The following TBC1D31 variants were observed in gnomAD, a reference collection of about 807,000 sequenced individuals.
The protein encoded by TBC1D31 is TBC1 domain family member 31.
TBC1D31 carries 99 observed loss-of-function variants against 132.9 expected under a neutral mutation model. That is an observed-to-expected ratio of 0.74 (90% confidence interval 0.63 to 0.88). TBC1D31 has a LOEUF of 0.88. Among genes scored for constraint, TBC1D31 ranks in the 40% least tolerant of loss-of-function variants. The probability of loss-of-function intolerance (pLI) is 0.00; values close to 1 mark genes in which losing one functional copy is unlikely to be tolerated. For missense variants in TBC1D31, 1,134 were observed against 1,256.6 expected, an observed-to-expected ratio of 0.90 and a Z score of 1.48; for synonymous variants, 385 against 419.4, an observed-to-expected ratio of 0.92 and a Z score of 1.00.
intron 10 of TBC1D31, among the ~76,000 whole-genome samples, chr8:123,111,565 G>T (rs577416036): frequency 6.6e-6 from 1 of 152,140 alleles, no homozygotes; most frequent in Admixed American, 6.5e-5. Flanking sequence ...TTACAAATTT[G>T]CATAGCTGCT....
At chr8:123,138,253 CT>C (rs1310151783) in intron 17 of TBC1D31, among the ~76,000 whole-genome samples, 2 of 152,282 alleles carry the variant, frequency 1.3e-5, no homozygotes, top group East Asian at 1.9e-4. Context: ...TTGGTAGTGG[CT>C]GCTGGTGAAC....
intron 8 of TBC1D31, among the ~76,000 whole-genome samples, 177 bp downstream of exon 8, chr8:123,105,641 C>A (rs1358688651): frequency 6.6e-6 from 1 of 152,074 alleles, no homozygotes; most frequent in African/African-American, 2.4e-5. Context: ...CTCAAGTGAT[C>A]CTCCCACCTT....
chr8:123,106,500 A>T (rs1186187900), intron 8 of TBC1D31, among the ~76,000 whole-genome samples: 1 of 152,204 alleles, frequency 6.6e-6, no homozygotes, highest in Admixed American at 6.5e-5. Flanking sequence ...CCTAATTTAT[A>T]AATTAAACTT....
chr8:123,147,102 CT>C lies in TBC1D31; in HGVS notation c.2974+2249del, dbSNP rs199656294. ...GCACGAATTAAATATTTAAAACTGG[CT>C]TACAAAAGATACTAATCATGGGAGC... On this transcript the variant is annotated intron_variant, in intron 20 of 21. Coordinates refer to ENST00000287380, the MANE Select transcript of TBC1D31 (RefSeq NM_145647.4). 8.3e-3 allele frequency among the ~76,000 whole-genome samples: 1,259 copies of C among 152,044 alleles called. 15 individuals carry two copies. The highest frequency in any genetic ancestry group is 0.029 in the African/African-American group (1,223 of 41,462).
intron 2 of TBC1D31, among the ~76,000 whole-genome samples, chr8:123,082,196 C>A (rs1340118874): frequency 6.6e-6 from 1 of 152,110 alleles, no homozygotes; most frequent in Non-Finnish European, 1.5e-5. Context: ...GCTAGGTGCC[C>A]AGTACTCTAC....
intron 7 of TBC1D31, chr8:123,102,122 G>T: frequency 9.9e-6 from 4 of 404,780 alleles, no homozygotes; most frequent in South Asian, 1.8e-5. Context: ...CTCTTCTCTG[G>T]TTATCTAAAA....
Position 123,142,312 on chromosome 8 carries a change from C to T in TBC1D31, c.2691C>T (p.Asp897=). Residue 897 remains aspartate, a synonymous_variant, in exon 19 of 22, where the codon GAC becomes GAT. Coordinates refer to ENST00000287380, the MANE Select transcript of TBC1D31 (RefSeq NM_145647.4). The part of the protein sequence containing the change: ...AKAEQACLNT[D]WQIQSLHKQK... ...CTGAACAAGCATGCCTAAATACCGA[C>T]TGGCAGATTCAGTCTTTACATAAAC... The T allele has an allele frequency of 6.2e-7, 1 of 1,600,670 alleles. No individual in the cohort carries two copies. The highest frequency in any genetic ancestry group is 8.5e-7 in the Non-Finnish European group (1 of 1,175,798).
intron 20 of TBC1D31, among the ~76,000 whole-genome samples, chr8:123,148,906 G>T (rs1262691966): frequency 6.6e-6 from 1 of 152,000 alleles, no homozygotes; most frequent in Non-Finnish European, 1.5e-5. Context: ...AAATAGCCGG[G>T]CATGGTGGCG....
chr8:123,109,385 A>G lies in TBC1D31; in HGVS notation c.1278A>G (p.Pro426=). The change falls in exon 9 of 22, where the codon CCA becomes CCG. Residue 426 remains proline, a synonymous_variant. Coordinates refer to ENST00000287380, the MANE Select transcript of TBC1D31 (RefSeq NM_145647.4). Reference sequence around the variant, plus strand: ...TATTAAAAGGCTATGGTGAATATCCAACAAAATACAGGTACAATTTAAATT... The same window carrying G: ...TATTAAAAGGCTATGGTGAATATCCGACAAAATACAGGTACAATTTAAATT... The part of the protein sequence containing the change: ...QILLKGYGEY[P]TKYRMFIWRS... The G allele has an allele frequency of 6.2e-7, 1 of 1,610,998 alleles. No homozygotes were observed. Among genetic ancestry groups the G allele is most frequent in the African/African-American group, 1.3e-5 (1 of 74,906 alleles).
intron 10 of TBC1D31, among the ~76,000 whole-genome samples, chr8:123,116,519 C>G (rs562410309): frequency 6.6e-6 from 1 of 152,004 alleles, no homozygotes; most frequent in African/African-American, 2.4e-5. Context: ...TAGTTCTTAA[C>G]GTATATGCAG....
chr8:123,120,115 C>G lies in TBC1D31; in HGVS notation c.1497C>G (p.Leu499=). The G allele has an allele frequency of 6.2e-7, 1 of 1,611,030 alleles. No homozygotes were observed. Among genetic ancestry groups the G allele is most frequent in the East Asian group, 2.2e-5 (1 of 44,784 alleles). The change falls in exon 11 of 22, where the codon CTC becomes CTG. Residue 499 remains leucine (L), a synonymous_variant. Transcript: ENST00000287380. ...VIFSDTPYLP[L]LAFPFVKLFQ... is the part of the protein sequence containing the mutation. Reference sequence around the variant, plus strand: ...TTAGTGACACACCATATCTTCCACTCTTGGCATTTCCATTTGTAAAATTAT... The same window carrying G: ...TTAGTGACACACCATATCTTCCACTGTTGGCATTTCCATTTGTAAAATTAT...
Position 123,082,707 on chromosome 8 carries a change from A to G in TBC1D31, c.230A>G (p.Asn77Ser), listed in dbSNP as rs757300043. Residue 77 changes from asparagine to serine, a missense_variant, in exon 3 of 22, where the codon AAT becomes AGT. Physicochemically the swap from Asn to Ser is conservative, Grantham distance 46. Coordinates refer to ENST00000287380, the MANE Select transcript of TBC1D31 (RefSeq NM_145647.4). Reference protein sequence around the residue: ...YVFDLHGNRFNLVQRTAQACT... With the variant: ...YVFDLHGNRFSLVQRTAQACT... ...ATGCAATGATCTCTTAATAGGTTCA[A>G]TCTTGTTCAGCGAACAGCACAAGCT... The G allele has an allele frequency of 1.3e-5, 21 of 1,606,784 alleles. No homozygotes were observed. The highest frequency in any genetic ancestry group is 1.7e-5 in the Admixed American group (1 of 59,198).
intron 4 of TBC1D31, among the ~76,000 whole-genome samples, chr8:123,091,375 A>T (rs1190458940): frequency 6.6e-6 from 1 of 152,194 alleles, no homozygotes; most frequent in Admixed American, 6.5e-5. Context: ...AATGACTGCT[A>T]ATTATAATAA....
At chr8:123,122,278 A>T (rs1490153207) in intron 11 of TBC1D31, among the ~76,000 whole-genome samples, 1 of 152,212 alleles carries the variant, frequency 6.6e-6, no homozygotes, top group Admixed American at 6.5e-5. Context: ...TAGCCAAAAG[A>T]TGGAAACAAT....
At chr8:123,087,471 T>C (rs750277670) in intron 4 of TBC1D31, among the ~76,000 whole-genome samples, 1 of 152,214 alleles carries the variant, frequency 6.6e-6, no homozygotes, top group Non-Finnish European at 1.5e-5. Context: ...TAAAAAGAGA[T>C]AAAAGTTGTG....
intron 5 of TBC1D31, among the ~76,000 whole-genome samples, chr8:123,094,507 CTTTATTTA>C (rs368810398): frequency 0.29 from 42,839 of 147,766 alleles, 6,680 homozygotes; most frequent in Admixed American, 0.35. Context: ...TATTATCACA[CTTTATTTA>C]TTTATTTATT....
chr8:123,157,723 A>ACT, the TBC1D31 span, among the ~76,000 whole-genome samples: 1 of 151,222 alleles, frequency 6.6e-6, no homozygotes, highest in African/African-American at 2.4e-5. Flanking sequence ...GCGCGCGCAC[A>ACT]CACACACACA....
chr8:123,134,887 T>C (rs1820936189), intron 17 of TBC1D31, among the ~76,000 whole-genome samples: 3 of 152,148 alleles, frequency 2.0e-5, no homozygotes, highest in Admixed American at 1.3e-4. Context: ...AAGTACTTTC[T>C]TTCTTTATTT....
intron 6 of TBC1D31, 48 bp downstream of exon 6, chr8:123,097,489 T>G (rs192136971): frequency 1.3e-6 from 2 of 1,584,310 alleles, no homozygotes; most frequent in African/African-American, 2.7e-5. Context: ...AAAGAACGCA[T>G]CCGTCTCTGA....
Sources: gnomAD v4.1 joint callset for allele counts (sites outside exome capture counted in the v4.1 genomes callset) on GRCh38, gnomAD v4.1.1 for gene constraint, MANE v1.5 for transcripts, NCBI Gene and HGNC (gene_info 2026-07-23, HGNC 2026-07-21) for gene names.